Variants in DUSP16 observed in about 807,000 individuals in gnomAD.
The protein encoded by DUSP16 is dual specificity protein phosphatase 16.
Under a neutral mutation model 58.3 loss-of-function variants are expected in DUSP16, and 21 were observed. That is an observed-to-expected ratio of 0.36 (90% CI 0.26 to 0.52). DUSP16 has a LOEUF of 0.52. Ranked by LOEUF, DUSP16 falls within the 20% of genes least tolerant of loss-of-function variation. The probability of loss-of-function intolerance (pLI) is 0.94; values close to 1 mark genes in which losing one functional copy is unlikely to be tolerated. For missense variants in DUSP16, 726 were observed against 819.0 expected (o/e 0.89, Z 1.39); for synonymous variants, 320 against 323.8 (o/e 0.99, Z 0.12).
chr12:12,493,686 C>A (rs1335159259), intron 4 of DUSP16, among the ~76,000 whole-genome samples: 1 of 152,150 alleles, frequency 6.6e-6, no homozygotes, highest in African/African-American at 2.4e-5. Flanking sequence ...TTGGTGGCTT[C>A]TTCTGCCTGT....
At chr12:12,553,961 G>A (rs1168963850) in intron 1 of DUSP16, among the ~76,000 whole-genome samples, 1 of 152,032 alleles carries the variant, frequency 6.6e-6, no homozygotes, top group African/African-American at 2.4e-5. Context: ...ACTTTGAGAG[G>A]CCAAGACAAG....
In DUSP16 at chr12:12,475,774, A is replaced by G. The variant is rs1943419730; in HGVS notation, c.*1059T>C. 1.3e-5 allele frequency: 2 copies of G among 152,306 alleles called. No individual in the cohort carries two copies. Among genetic ancestry groups the G allele is most frequent in the Middle Eastern group, 3.4e-3 (1 of 296 alleles). The allele number at this position is 152,306 out of a possible 1,614,324, so 9.4% of individuals were successfully genotyped here. ...GAAGTTTCCTATAAAATTCTGCCATATTATTACATTTTACCAACTGTATCC... is the reference window on the plus strand; with the variant it reads ...GAAGTTTCCTATAAAATTCTGCCATGTTATTACATTTTACCAACTGTATCC... On this transcript the variant is annotated 3_prime_UTR_variant, in exon 7 of 7. Coordinates refer to ENST00000298573, the MANE Select transcript of DUSP16 (RefSeq NM_030640.3).
At chr12:12,481,501 C>G (rs1022816726) in intron 5 of DUSP16, among the ~76,000 whole-genome samples, 1 of 152,164 alleles carries the variant, frequency 6.6e-6, no homozygotes, top group African/African-American at 2.4e-5. Flanking sequence ...TTAACAGATG[C>G]GCAAAGAATC....
intron 5 of DUSP16, among the ~76,000 whole-genome samples, chr12:12,486,422 CA>C (rs780697392): frequency 7.6e-4 from 115 of 151,378 alleles, no homozygotes; most frequent in Non-Finnish European, 1.3e-3. Context: ...GGAAGCACAA[CA>C]AAGTATGGCA....
At chr12:12,510,219 G>A (rs1331527383) in intron 3 of DUSP16, among the ~76,000 whole-genome samples, 2 of 152,164 alleles carry the variant, frequency 1.3e-5, no homozygotes, top group African/African-American at 2.4e-5. Flanking sequence ...TGAGGATGGT[G>A]TGGCTGCTGG....
At chr12:12,490,729 A>C (rs145915566) in intron 4 of DUSP16, among the ~76,000 whole-genome samples, 195 of 152,304 alleles carry the variant, frequency 1.3e-3, no homozygotes, top group African/African-American at 4.6e-3. Context: ...CTTGTAAAAC[A>C]CTATCAGTGC....
rs376185234 is a variant in DUSP16 at position 12,521,106 on chromosome 12, A to G, written c.-8T>C. On this transcript the variant is annotated 5_prime_UTR_variant, in exon 2 of 7. Coordinates refer to ENST00000298573, the MANE Select transcript of DUSP16 (RefSeq NM_030640.3). ...AATCATCTCATGGGCCATGACAACAATAAGTCCTCTTTTCCCACCTCCTTC... is the reference window on the plus strand; with the variant it reads ...AATCATCTCATGGGCCATGACAACAGTAAGTCCTCTTTTCCCACCTCCTTC... The G allele has an allele frequency of 4.9e-5, 79 of 1,613,570 alleles. No individual in the cohort carries two copies. In the African/African-American group the frequency reaches 6.3e-4, roughly 13 times the overall value.
intron 1 of DUSP16, among the ~76,000 whole-genome samples, chr12:12,555,956 C>T (rs941061821): frequency 6.6e-6 from 1 of 152,094 alleles, no homozygotes; most frequent in South Asian, 2.1e-4. Context: ...TGGGAGAATC[C>T]CTTGAACCGA....
At chr12:12,543,543 CAAGTAT>C (rs1944596312) in intron 1 of DUSP16, among the ~76,000 whole-genome samples, 1 of 151,744 alleles carries the variant, frequency 6.6e-6, no homozygotes, top group Admixed American at 6.6e-5. Context: ...AATACCTGCC[CAAGTAT>C]ATTATGTGAA....
intron 6 of DUSP16, 91 bp downstream of exon 6, chr12:12,480,132 A>T: frequency 6.7e-7 from 1 of 1,489,666 alleles, no homozygotes. Context: ...AATAATCATG[A>T]TCTGCTTTAA....
chr12:12,543,632 AAATATATT>A (rs1391722179), intron 1 of DUSP16, among the ~76,000 whole-genome samples: 15 of 152,170 alleles, frequency 9.9e-5, no homozygotes, highest in African/African-American at 3.1e-4. Flanking sequence ...TAAATTGGCT[AAATATATT>A]ATTATATCAA....
chr12:12,548,874 G>A (rs1200912487), intron 1 of DUSP16, among the ~76,000 whole-genome samples: 2 of 151,926 alleles, frequency 1.3e-5, no homozygotes, highest in African/African-American at 4.8e-5. Flanking sequence ...TCATCAGGAG[G>A]GGATTTCAAG....
intron 1 of DUSP16, among the ~76,000 whole-genome samples, chr12:12,534,285 C>A (rs1169550878): frequency 6.6e-6 from 1 of 152,160 alleles, no homozygotes; most frequent in African/African-American, 2.4e-5. Flanking sequence ...CGCACACTTC[C>A]CCCTGCTGGG....
intron 4 of DUSP16, among the ~76,000 whole-genome samples, chr12:12,494,500 A>G (rs1048867298): frequency 3.9e-5 from 6 of 152,218 alleles, no homozygotes; most frequent in Admixed American, 1.3e-4. Flanking sequence ...TATCCGATGA[A>G]TATAATGTAG....
Position 12,476,835 on chromosome 12 carries a change from AG to A in DUSP16, c.1995del (p.Ter666GlufsTer55). 6.3e-7 allele frequency: 1 copy of A among 1,594,838 alleles called. No homozygotes were observed. Among genetic ancestry groups the A allele is most frequent in the South Asian group, 1.1e-5 (1 of 88,958 alleles). ...FSGSMEIIEV[S>X] ...AGAAGTCACAAGTGTCTTTCTTCTC[AG>A]GAGACCTCAATGATTTCCATGCTGC... is the stretch of plus-strand genomic sequence containing the variant. On this transcript the variant is annotated frameshift_variant, in exon 7 of 7. Transcript: ENST00000298573. LOFTEE classifies it high-confidence loss of function.
rs535459668 is a variant in DUSP16, at chr12:12,491,081, T to C, written c.532-3894A>G. Among the ~76,000 whole-genome samples, 11 of 152,274 alleles carry C rather than the reference T, an allele frequency of 7.2e-5. 1 individual carries two copies. The South Asian group carries it at 2.1e-3, about 29-fold the overall frequency. ...ACCTTCCAAAGATGTGGGGAAAAGA[T>C]GTCGTGAAATCTCTGGAGTCAGTTA... On this transcript the variant is annotated intron_variant, in intron 4 of 6. Transcript: ENST00000298573.
intron 3 of DUSP16, among the ~76,000 whole-genome samples, chr12:12,510,564 C>T (rs566456881): frequency 3.3e-5 from 5 of 152,252 alleles, no homozygotes; most frequent in East Asian, 1.9e-4. Flanking sequence ...GGGATAACTG[C>T]GTTTCACATA....
intron 3 of DUSP16, 136 bp downstream of exon 3, chr12:12,519,726 T>C: frequency 1.2e-6 from 1 of 846,182 alleles, no homozygotes; most frequent in Non-Finnish European, 1.8e-6. Flanking sequence ...AACGGTGACA[T>C]CAATCAAAAG....
chr12:12,556,888 C>T (rs1443301846), intron 1 of DUSP16, among the ~76,000 whole-genome samples: 1 of 152,126 alleles, frequency 6.6e-6, no homozygotes, highest in African/African-American at 2.4e-5. Context: ...CCCTATTTTA[C>T]CTATTGGTAA....
Sources: gnomAD v4.1 joint callset for allele counts (sites outside exome capture counted in the v4.1 genomes callset) on GRCh38, gnomAD v4.1.1 for gene constraint, MANE v1.5 for transcripts, NCBI Gene and HGNC (gene_info 2026-07-23, HGNC 2026-07-21) for gene names.